Variants in CNTN5 observed in about 807,000 individuals in gnomAD.
CNTN5 encodes the protein contactin-5.
A neutral mutation model predicts 129.1 loss-of-function variants in CNTN5; 77 were observed. The ratio of observed to expected loss-of-function variants is 0.60; its 90% CI spans 0.50 to 0.72. The LOEUF is 0.72. Ranked by LOEUF, CNTN5 falls within the 30% of genes least tolerant of loss-of-function variation. The pLI is 0.00. For synonymous variants in CNTN5, 509 were observed against 465.6 expected, an observed-to-expected ratio of 1.09 and a Z score of -1.20; for missense variants, 1,478 against 1,328.8, an observed-to-expected ratio of 1.11 and a Z score of -1.75.
intron 1 of CNTN5, among the ~76,000 whole-genome samples, chr11:99,204,142 ATGTC>A (rs1272436813): frequency 6.6e-6 from 1 of 152,196 alleles, no homozygotes; most frequent in African/African-American, 2.4e-5. Flanking sequence ...TTAAGGAAAA[ATGTC>A]TGTGCAATTG....
At chr11:99,993,356 T>A (rs1349444186) in intron 8 of CNTN5, among the ~76,000 whole-genome samples, 1 of 152,176 alleles carries the variant, frequency 6.6e-6, no homozygotes, top group African/African-American at 2.4e-5. Flanking sequence ...TTACTTGACC[T>A]CTTTGACTCT....
chr11:99,207,405 G>A (rs1036649864), intron 1 of CNTN5, among the ~76,000 whole-genome samples: 1 of 152,082 alleles, frequency 6.6e-6, no homozygotes, highest in African/African-American at 2.4e-5. Context: ...GTATCATATT[G>A]CTGAAGCACA....
At chr11:100,100,059 T>A (rs532259476) in intron 13 of CNTN5, among the ~76,000 whole-genome samples, 1 of 152,254 alleles carries the variant, frequency 6.6e-6, no homozygotes, top group African/African-American at 2.4e-5. Flanking sequence ...ATTTTTATCT[T>A]TTCCGTTGGT....
chr11:100,050,885 G>T (rs918163355), intron 9 of CNTN5, among the ~76,000 whole-genome samples: 2 of 151,952 alleles, frequency 1.3e-5, no homozygotes, highest in African/African-American at 4.8e-5. Context: ...TTTTCAAGAA[G>T]ACATTCAAAT....
intron 3 of CNTN5, among the ~76,000 whole-genome samples, chr11:99,809,820 C>G (rs1946377109): frequency 1.3e-5 from 2 of 152,072 alleles, no homozygotes; most frequent in African/African-American, 4.8e-5. Flanking sequence ...AAAATACTGT[C>G]TGATCTATCT....
intron 1 of CNTN5, among the ~76,000 whole-genome samples, chr11:99,218,098 A>G (rs1325712796): frequency 6.6e-6 from 1 of 152,100 alleles, no homozygotes; most frequent in Non-Finnish European, 1.5e-5. Flanking sequence ...TACTGTTAAG[A>G]TCAATGATCC....
chr11:99,149,266 T>A (rs902733253), intron 1 of CNTN5, among the ~76,000 whole-genome samples: 1 of 151,668 alleles, frequency 6.6e-6, no homozygotes, highest in African/African-American at 2.4e-5. Flanking sequence ...GATGTCCACA[T>A]GGGCAGGACA....
intron 15 of CNTN5, among the ~76,000 whole-genome samples, chr11:100,218,794 C>A (rs1040640659): frequency 6.6e-6 from 1 of 152,206 alleles, no homozygotes; most frequent in Non-Finnish European, 1.5e-5. Flanking sequence ...TGGTGAGAGA[C>A]AAGATAGGTT....
At chr11:99,377,772 T>A (rs1475760285) in intron 2 of CNTN5, among the ~76,000 whole-genome samples, 1 of 139,386 alleles carries the variant, frequency 7.2e-6, no homozygotes, top group East Asian at 2.1e-4. Flanking sequence ...AGCAGAGATG[T>A]ACAGATTAGT....
chr11:99,925,040 T>C (rs1443548577), intron 7 of CNTN5, among the ~76,000 whole-genome samples: 1 of 152,166 alleles, frequency 6.6e-6, no homozygotes, highest in Non-Finnish European at 1.5e-5. Context: ...AAATCTCCAG[T>C]TCTTGATACA....
chr11:99,192,534 T>A (rs1858695580), intron 1 of CNTN5, among the ~76,000 whole-genome samples: 1 of 151,930 alleles, frequency 6.6e-6, no homozygotes, highest in South Asian at 2.1e-4. Flanking sequence ...TATATTTGAA[T>A]AACATTAGAT....
intron 6 of CNTN5, among the ~76,000 whole-genome samples, chr11:99,860,476 G>A (rs1345250082): frequency 2.0e-5 from 3 of 152,068 alleles, no homozygotes; most frequent in African/African-American, 7.2e-5. Context: ...TTGAGTTGTT[G>A]TTTGTATATG....
chr11:100,259,604 C>A (rs1591446146), intron 17 of CNTN5, among the ~76,000 whole-genome samples: 1 of 152,140 alleles, frequency 6.6e-6, no homozygotes, highest in East Asian at 1.9e-4. Context: ...TCTCTCACAC[C>A]ACAGTGCAAT....
chr11:99,413,276 T>G (rs1190091682), intron 2 of CNTN5, among the ~76,000 whole-genome samples: 2 of 152,170 alleles, frequency 1.3e-5, no homozygotes, highest in Non-Finnish European at 2.9e-5. Flanking sequence ...TAGTCTGAAA[T>G]ATCTTGATAT....
intron 3 of CNTN5, among the ~76,000 whole-genome samples, chr11:99,717,596 C>T (rs1248190183): frequency 6.6e-6 from 1 of 151,962 alleles, no homozygotes; most frequent in Non-Finnish European, 1.5e-5. Flanking sequence ...CCGAATCAAG[C>T]ATTTTTTAAT....
chr11:99,713,899 AG>A (rs1178398109), intron 3 of CNTN5, among the ~76,000 whole-genome samples: 2 of 152,094 alleles, frequency 1.3e-5, no homozygotes, highest in African/African-American at 4.8e-5. Context: ...AGCAAAAAAT[AG>A]TTTTTCTGTG....
At chr11:100,296,354 A>G (rs1462045233) in intron 18 of CNTN5, among the ~76,000 whole-genome samples, 5 of 151,632 alleles carry the variant, frequency 3.3e-5, no homozygotes, top group African/African-American at 9.6e-5. Context: ...CATTTTTCTC[A>G]GTTGAATTCC....
At chr11:99,468,170 C>A (rs748199103) in intron 2 of CNTN5, among the ~76,000 whole-genome samples, 24 of 152,082 alleles carry the variant, frequency 1.6e-4, no homozygotes, top group Non-Finnish European at 3.1e-4. Flanking sequence ...GTTGGGTGAA[C>A]TCCCTCAGAT....
chr11:100,094,293 G>A (rs1944906795), intron 13 of CNTN5, among the ~76,000 whole-genome samples: 1 of 151,896 alleles, frequency 6.6e-6, no homozygotes, highest in Non-Finnish European at 1.5e-5. Flanking sequence ...TGTGTATCTT[G>A]CTCCTCCCCC....
Sources: gnomAD v4.1 joint callset for allele counts (sites outside exome capture counted in the v4.1 genomes callset) on GRCh38, gnomAD v4.1.1 for gene constraint, MANE v1.5 for transcripts, NCBI Gene and HGNC (gene_info 2026-07-23, HGNC 2026-07-21) for gene names.